The following EYA1 variants were observed in gnomAD, a reference collection of about 807,000 sequenced individuals.
EYA1 encodes the protein EYA transcriptional coactivator and phosphatase 1, also known as protein phosphatase EYA1.
Under a neutral mutation model 82.0 loss-of-function variants are expected in EYA1, and 16 were observed. The observed-to-expected ratio is 0.20, with a 90% CI of 0.13 to 0.30. The LOEUF is 0.30. Among genes scored for constraint, EYA1 ranks in the 10% least tolerant of loss-of-function variants. The probability of loss-of-function intolerance (pLI) is 1.00; values close to 1 mark genes in which losing one functional copy is unlikely to be tolerated. For missense variants in EYA1, 633 were observed against 730.7 expected, an observed-to-expected ratio of 0.87 and a Z score of 1.54; for synonymous variants, 261 against 264.4, an observed-to-expected ratio of 0.99 and a Z score of 0.12.
chr8:71,518,117 T>C (rs893253039), intron 2 of EYA1, among the ~76,000 whole-genome samples: 2 of 152,126 alleles, frequency 1.3e-5, no homozygotes, highest in Non-Finnish European at 2.9e-5. Flanking sequence ...CATGGCTCAA[T>C]GCATTGTACA....
intron 2 of EYA1, among the ~76,000 whole-genome samples, chr8:71,423,283 C>G (rs1831244472): frequency 6.6e-6 from 1 of 151,980 alleles, no homozygotes; most frequent in Admixed American, 6.5e-5. Flanking sequence ...AAACAGCATA[C>G]TGTTTTAAAC....
chr8:71,545,301 T>G (rs180901233), intron 1 of EYA1, among the ~76,000 whole-genome samples: 49 of 152,248 alleles, frequency 3.2e-4, no homozygotes, highest in African/African-American at 1.2e-3. Context: ...GGATAAAAGG[T>G]CATAAAACCA....
At chr8:71,244,937 T>C (rs1163667837) in intron 11 of EYA1, among the ~76,000 whole-genome samples, 13 of 152,226 alleles carry the variant, frequency 8.5e-5, no homozygotes, top group Admixed American at 8.5e-4. Flanking sequence ...ACTCTTTCTT[T>C]ACTTTTTTAA....
At chr8:71,381,777 C>T (rs753562053) in intron 2 of EYA1, among the ~76,000 whole-genome samples, 30 of 152,310 alleles carry the variant, frequency 2.0e-4, no homozygotes, top group Admixed American at 4.6e-4. Context: ...ATCCCCCTCC[C>T]ACCCCTACAC....
intron 2 of EYA1, among the ~76,000 whole-genome samples, chr8:71,450,998 C>T (rs562719924): frequency 6.6e-6 from 1 of 152,310 alleles, no homozygotes; most frequent in Admixed American, 6.5e-5. Flanking sequence ...CATTCATTCA[C>T]ATTAATTATC....
intron 11 of EYA1, among the ~76,000 whole-genome samples, chr8:71,259,767 G>T (rs1814880720): frequency 6.6e-6 from 1 of 152,100 alleles, no homozygotes; most frequent in Non-Finnish European, 1.5e-5. Flanking sequence ...GCTTTTAGAA[G>T]GATCCAGAAT....
intron 1 of EYA1, among the ~76,000 whole-genome samples, chr8:71,539,556 T>C (rs765957939): frequency 6.6e-6 from 1 of 152,180 alleles, no homozygotes; most frequent in Non-Finnish European, 1.5e-5. Flanking sequence ...CACATTTGAA[T>C]TGATCTTTCG....
chr8:71,210,955 G>C (rs1177527949), intron 17 of EYA1, among the ~76,000 whole-genome samples: 1 of 152,180 alleles, frequency 6.6e-6, no homozygotes, highest in African/African-American at 2.4e-5. Flanking sequence ...CACCACTTGT[G>C]GCCCTTGAGT....
chr8:71,229,872 A>C (rs1339577829), intron 12 of EYA1, among the ~76,000 whole-genome samples: 2 of 152,160 alleles, frequency 1.3e-5, no homozygotes, highest in Non-Finnish European at 2.9e-5. Context: ...TTCTTAGTTG[A>C]TTATTTCTGA....
chr8:71,547,520 G>C (rs1180417925), intron 1 of EYA1: 1 of 152,128 alleles, frequency 6.6e-6, no homozygotes, highest in Non-Finnish European at 1.5e-5. Flanking sequence ...CGTACCTGGC[G>C]GCGGCGCCCT....
chr8:71,268,195 G>A (rs1474474441), intron 11 of EYA1, among the ~76,000 whole-genome samples: 1 of 152,018 alleles, frequency 6.6e-6, no homozygotes, highest in Admixed American at 6.5e-5. Context: ...GCGTCAATTT[G>A]GCCCTTAGCG....
intron 9 of EYA1, among the ~76,000 whole-genome samples, chr8:71,288,914 C>A (rs1426056506): frequency 6.6e-6 from 1 of 152,122 alleles, no homozygotes; most frequent in Non-Finnish European, 1.5e-5. Flanking sequence ...CCTGAAGTTT[C>A]TGAAGGAGTC....
At chr8:71,423,000 C>G (rs893892659) in intron 2 of EYA1, among the ~76,000 whole-genome samples, 6 of 152,112 alleles carry the variant, frequency 3.9e-5, no homozygotes, top group Non-Finnish European at 8.8e-5. Flanking sequence ...AACTTGGAAA[C>G]CTGCAGAAAC....
chr8:71,525,292 A>C (rs1034872723), intron 2 of EYA1, among the ~76,000 whole-genome samples: 1 of 152,202 alleles, frequency 6.6e-6, no homozygotes, highest in African/African-American at 2.4e-5. Flanking sequence ...TGGGAGTACA[A>C]AGTCACAGAG....
intron 2 of EYA1, among the ~76,000 whole-genome samples, chr8:71,428,696 A>G (rs1010530323): frequency 1.3e-4 from 20 of 152,166 alleles, no homozygotes; most frequent in African/African-American, 4.6e-4. Context: ...GGTGCATTCA[A>G]GTGTTCATTA....
At chr8:71,448,012 T>TA (rs1431397515) in intron 2 of EYA1, among the ~76,000 whole-genome samples, 1 of 139,630 alleles carries the variant, frequency 7.2e-6, no homozygotes, top group Non-Finnish European at 1.5e-5. Flanking sequence ...TTAAGAGCTT[T>TA]TTTTTTTTTT....
chr8:71,406,099 T>C (rs958553843), intron 2 of EYA1, among the ~76,000 whole-genome samples: 2 of 152,326 alleles, frequency 1.3e-5, no homozygotes, highest in Middle Eastern at 3.4e-3. Context: ...CCACTACATA[T>C]GTGCAGTTTT....
chr8:71,490,429 A>G (rs1160605877), intron 2 of EYA1, among the ~76,000 whole-genome samples: 1 of 152,184 alleles, frequency 6.6e-6, no homozygotes, highest in African/African-American at 2.4e-5. Context: ...ATGTTATCCT[A>G]CGCAATAAAC....
intron 1 of EYA1, among the ~76,000 whole-genome samples, chr8:71,538,556 T>C (rs993170519): frequency 5.3e-5 from 8 of 152,184 alleles, no homozygotes; most frequent in African/African-American, 1.9e-4. Flanking sequence ...GCAAAACTGG[T>C]GACTTGATGT....
Sources: gnomAD v4.1 joint callset for allele counts (sites outside exome capture counted in the v4.1 genomes callset) on GRCh38, gnomAD v4.1.1 for gene constraint, MANE v1.5 for transcripts, NCBI Gene and HGNC (gene_info 2026-07-23, HGNC 2026-07-21) for gene names.